The following GRIN2B variants were observed in gnomAD, a reference collection of about 807,000 sequenced individuals.
GRIN2B encodes the protein glutamate ionotropic receptor NMDA type subunit 2B, also known as glutamate receptor ionotropic, NMDA 2B.
In GRIN2B, 5 loss-of-function variants were observed where a neutral mutation model predicts 114.5. The observed-to-expected ratio is 0.04, with a 90% CI of 0.02 to 0.09. GRIN2B has a LOEUF of 0.09. Ranked by LOEUF, GRIN2B falls within the 10% of genes least tolerant of loss-of-function variation. GRIN2B has a pLI of 1.00. For missense variants in GRIN2B, 1,108 were observed against 1,943.5 expected (o/e 0.57, Z 8.08); for synonymous variants, 787 against 745.1 (o/e 1.06, Z -0.92).
chr12:13,793,595 T>C (rs751848773), intron 3 of GRIN2B, among the ~76,000 whole-genome samples: 7 of 152,208 alleles, frequency 4.6e-5, no homozygotes, highest in Non-Finnish European at 8.8e-5. Context: ...CTACTTTTCT[T>C]TGGCCTATGA....
chr12:13,597,395 C>T (rs762436674), intron 10 of GRIN2B, among the ~76,000 whole-genome samples: 1 of 152,202 alleles, frequency 6.6e-6, no homozygotes, highest in Non-Finnish European at 1.5e-5. Context: ...CTCCCATTCC[C>T]AGTAGCAAAG....
chr12:13,865,849 G>A lies in GRIN2B; in HGVS notation c.360C>T (p.Leu120=), dbSNP rs377642005. The change falls in exon 3 of 14, where the codon CTC becomes CTT. Residue 120 remains leucine, a synonymous_variant. Transcript: ENST00000609686. Reference sequence around the variant, plus strand: ...CCCCGTGGATGCCCAGGATGGGGGTGAGAGTCTGTGCTGAAATGAAATCGA... The same window carrying A: ...CCCCGTGGATGCCCAGGATGGGGGTAAGAGTCTGTGCTGAAATGAAATCGA... ...QILDFISAQT[L]TPILGIHGGS... The A allele has an allele frequency of 2.2e-5, 35 of 1,614,042 alleles. No homozygotes were observed. The highest frequency in any genetic ancestry group is 2.0e-4 in the East Asian group (9 of 44,864).
chr12:13,552,361 C>G lies in GRIN2B; in HGVS notation c.*10422G>C, dbSNP rs968785922. 76 of 152,150 alleles carry G rather than the reference C, an allele frequency of 5.0e-4. No individual in the cohort carries two copies. The highest frequency in any genetic ancestry group is 1.7e-3 in the African/African-American group (72 of 41,428). 9.4% of individuals were successfully genotyped at this position (152,150 alleles called of 1,614,324 possible). On this transcript the variant is annotated 3_prime_UTR_variant, in exon 14 of 14. Transcript: ENST00000609686. The stretch of plus-strand genomic sequence containing the variant: ...TTTCAAGTTTCCCTACTTTCCGAAG[C>G]TATCATTGAAGCCAGTAACCAAGGG...
chr12:13,921,377 C>T (rs150041655), intron 2 of GRIN2B, among the ~76,000 whole-genome samples: 357 of 152,250 alleles, frequency 2.3e-3, no homozygotes, highest in Non-Finnish European at 4.4e-3. Flanking sequence ...ATACTCCAGC[C>T]TGGGTGACAG....
At chr12:13,679,853 T>C (rs980588395) in intron 4 of GRIN2B, among the ~76,000 whole-genome samples, 17 of 152,164 alleles carry the variant, frequency 1.1e-4, no homozygotes, top group Admixed American at 9.8e-4. Flanking sequence ...GTTATTCTTC[T>C]CTAAAATGGA....
chr12:13,798,110 C>T (rs1864448048), intron 3 of GRIN2B, among the ~76,000 whole-genome samples: 1 of 152,198 alleles, frequency 6.6e-6, no homozygotes, highest in South Asian at 2.1e-4. Flanking sequence ...AATAGCAAAA[C>T]TCTAGAATGT....
intron 4 of GRIN2B, among the ~76,000 whole-genome samples, chr12:13,701,733 ATG>A (rs147452143): frequency 0.15 from 23,344 of 152,152 alleles, 2,277 homozygotes; most frequent in Middle Eastern, 0.22. Flanking sequence ...ATGCATTACA[ATG>A]TGTGTTAAAC....
At chr12:13,621,349 T>C (rs1949510638) in intron 5 of GRIN2B, among the ~76,000 whole-genome samples, 1 of 152,056 alleles carries the variant, frequency 6.6e-6, no homozygotes, top group African/African-American at 2.4e-5. Flanking sequence ...TCAGAGACAA[T>C]GTAGCGAGAA....
chr12:13,833,577 G>T (rs1235867877), intron 3 of GRIN2B, among the ~76,000 whole-genome samples: 1 of 152,098 alleles, frequency 6.6e-6, no homozygotes. Context: ...CTACTATCTG[G>T]CTTATCTCCC....
intron 3 of GRIN2B, among the ~76,000 whole-genome samples, chr12:13,831,359 T>A: frequency 6.6e-6 from 1 of 152,178 alleles, no homozygotes; most frequent in East Asian, 1.9e-4. Flanking sequence ...ACAAGTAAAT[T>A]CTAAGTTGCC....
At chr12:13,692,550 C>A (rs960804493) in intron 4 of GRIN2B, among the ~76,000 whole-genome samples, 1 of 151,930 alleles carries the variant, frequency 6.6e-6, no homozygotes, top group South Asian at 2.1e-4. Flanking sequence ...CATCTCAAAG[C>A]TGTGCACGTT....
At chr12:13,918,736 A>C (rs143273680) in intron 2 of GRIN2B, among the ~76,000 whole-genome samples, 3 of 152,314 alleles carry the variant, frequency 2.0e-5, no homozygotes, top group East Asian at 3.9e-4. Context: ...TGATTCATAA[A>C]CTACACATTA....
At chr12:13,618,259 A>C (rs1260538972) in intron 5 of GRIN2B, among the ~76,000 whole-genome samples, 1 of 152,218 alleles carries the variant, frequency 6.6e-6, no homozygotes, top group Non-Finnish European at 1.5e-5. Flanking sequence ...GGAGAGACTC[A>C]GTCCTGGGGG....
rs998501565 is a variant in GRIN2B, at chr12:13,573,557, C to T, written c.2011-1593G>A. Reference sequence around the variant, plus strand: ...TCTATTCTGCATTTCCTAGTAAACCCACTCTCTAAGCTTCTTATTCTATTA... The same window carrying T: ...TCTATTCTGCATTTCCTAGTAAACCTACTCTCTAAGCTTCTTATTCTATTA... On this transcript the variant is annotated intron_variant, in intron 10 of 13. Transcript: ENST00000609686. Among the ~76,000 whole-genome samples, 4 of 125,790 alleles carry T rather than the reference C, an allele frequency of 3.2e-5. 1 individual carries two copies. The highest frequency in any genetic ancestry group is 5.4e-5 in the Non-Finnish European group (3 of 55,670). 82.5% of individuals were successfully genotyped at this position (125,790 alleles called of 152,430 possible).
chr12:13,558,970 A>G lies in GRIN2B; in HGVS notation c.*3813T>C, dbSNP rs1948506525. On this transcript the variant is annotated 3_prime_UTR_variant, in exon 14 of 14. Coordinates refer to ENST00000609686, the MANE Select transcript of GRIN2B (RefSeq NM_000834.5). ...CTTCTGCAATGGAAGGGAATGATAG[A>G]GGGTACAAAGCGAGAAAGCATGGAT... 6.6e-6 allele frequency: 1 copy of G among 152,214 alleles called. No homozygotes were observed. Among genetic ancestry groups the G allele is most frequent in the Non-Finnish European group, 1.5e-5 (1 of 68,056 alleles). The allele number at this position is 152,214 out of a possible 1,614,324, so 9.4% of individuals were successfully genotyped here. A position where few individuals can be genotyped will look rare whatever the true frequency, so the allele number is the denominator to read the frequency against.
intron 2 of GRIN2B, among the ~76,000 whole-genome samples, chr12:13,934,220 C>T (rs927063396): frequency 2.6e-5 from 4 of 152,190 alleles, no homozygotes; most frequent in African/African-American, 7.2e-5. Context: ...CCATGCTCTT[C>T]CTCTGTGTCC....
chr12:13,625,869 C>T (rs1222709802), intron 5 of GRIN2B, among the ~76,000 whole-genome samples: 2 of 152,184 alleles, frequency 1.3e-5, no homozygotes, highest in Non-Finnish European at 2.9e-5. Flanking sequence ...TCGTCATAAA[C>T]CCCTCCCTGG....
intron 3 of GRIN2B, among the ~76,000 whole-genome samples, chr12:13,800,311 G>A (rs1377738082): frequency 6.6e-6 from 1 of 152,074 alleles, no homozygotes; most frequent in Non-Finnish European, 1.5e-5. Context: ...AGCTCTGTGG[G>A]TACTCTGGAA....
chr12:13,802,770 G>A (rs1864538774), intron 3 of GRIN2B, among the ~76,000 whole-genome samples: 1 of 152,118 alleles, frequency 6.6e-6, no homozygotes, highest in Non-Finnish European at 1.5e-5. Context: ...ATTGAGAGAT[G>A]TTCAGAATGC....
Sources: allele counts gnomAD v4.1 joint callset (sites outside exome capture counted in the v4.1 genomes callset), GRCh38; gene constraint gnomAD v4.1.1; transcripts MANE v1.5; gene names NCBI Gene and HGNC (gene_info 2026-07-23, HGNC 2026-07-21).